The following DSE variants were observed in gnomAD, a reference collection of about 807,000 sequenced individuals.
The protein encoded by DSE is dermatan sulfate epimerase, also known as dermatan-sulfate epimerase.
Under a neutral mutation model 84.4 loss-of-function variants are expected in DSE, and 36 were observed. That is an observed-to-expected ratio of 0.43 (90% confidence interval 0.33 to 0.56). The LOEUF is 0.56. DSE is among the 20% of genes least tolerant of loss of function. DSE has a pLI of 0.06. For synonymous variants in DSE, 410 were observed against 430.1 expected (o/e 0.95, Z 0.58); for missense variants, 862 against 1,169.6 (o/e 0.74, Z 3.84).
At chr6:116,406,284 TGGG>T (rs1781925618) in intron 2 of DSE, among the ~76,000 whole-genome samples, 1 of 152,142 alleles carries the variant, frequency 6.6e-6, no homozygotes, top group South Asian at 2.1e-4. Context: ...CCTCTTTAAT[TGGG>T]GTATAAATCA....
chr6:116,313,503 G>C (rs1241157508), intron 2 of DSE, among the ~76,000 whole-genome samples: 1 of 152,184 alleles, frequency 6.6e-6, no homozygotes, highest in Non-Finnish European at 1.5e-5. Context: ...TAGTAATAAT[G>C]ATTGGTTACA....
At chr6:116,371,685 C>T (rs536970556) in intron 1 of DSE, among the ~76,000 whole-genome samples, 24 of 152,298 alleles carry the variant, frequency 1.6e-4, no homozygotes, top group African/African-American at 5.3e-4. Context: ...TTCCAGCGCT[C>T]CTGGGCTCCG....
chr6:116,406,152 G>A (rs1781915061), intron 2 of DSE, among the ~76,000 whole-genome samples: 2 of 152,166 alleles, frequency 1.3e-5, no homozygotes, highest in Admixed American at 1.3e-4. Context: ...TGCGATGGGT[G>A]ACTCACTTGC....
intron 2 of DSE, chr6:116,279,079 T>C (rs763534549): frequency 6.2e-7 from 1 of 1,613,482 alleles, no homozygotes; most frequent in Non-Finnish European, 8.5e-7. Context: ...CTCCAGCTGT[T>C]GGAAGGCCCT....
chr6:116,273,889 G>A (rs1455147034), intron 2 of DSE, among the ~76,000 whole-genome samples: 1 of 149,972 alleles, frequency 6.7e-6, no homozygotes, highest in Non-Finnish European at 1.5e-5. Flanking sequence ...GAGTGCCATG[G>A]CTCAATCTTG....
intron 2 of DSE, chr6:116,280,039 G>A: frequency 1.5e-6 from 1 of 683,120 alleles, no homozygotes; most frequent in South Asian, 1.7e-5. Flanking sequence ...GGATTCTCTG[G>A]GCTTTATTTC....
chr6:116,371,369 T>C (rs1035789530), intron 1 of DSE, among the ~76,000 whole-genome samples: 3 of 152,124 alleles, frequency 2.0e-5, no homozygotes, highest in Non-Finnish European at 2.9e-5. Flanking sequence ...AGGGGCAGCT[T>C]TTCGATCCTC....
At chr6:116,281,126 G>A (rs977898942) in intron 2 of DSE, among the ~76,000 whole-genome samples, 13 of 152,274 alleles carry the variant, frequency 8.5e-5, no homozygotes, top group Admixed American at 7.2e-4. Context: ...GAGAAGATAA[G>A]AGGACGAAAG....
chr6:116,416,623 A>C (rs904350225), intron 2 of DSE, among the ~76,000 whole-genome samples: 3 of 152,090 alleles, frequency 2.0e-5, no homozygotes, highest in African/African-American at 7.2e-5. Flanking sequence ...AGTTATTATA[A>C]CTGCTCAGTT....
chr6:116,333,931 C>G (rs974435604), intron 2 of DSE, among the ~76,000 whole-genome samples: 1 of 152,050 alleles, frequency 6.6e-6, no homozygotes, highest in African/African-American at 2.4e-5. Context: ...ATGAATGCAC[C>G]ACTCCACTCC....
chr6:116,375,338 A>G (rs1038314219), intron 1 of DSE, among the ~76,000 whole-genome samples: 1 of 152,174 alleles, frequency 6.6e-6, no homozygotes, highest in African/African-American at 2.4e-5. Context: ...CATTAATTGG[A>G]TAGTATGTTT....
At chr6:116,431,538 C>T (rs1230899832) in intron 4 of DSE, among the ~76,000 whole-genome samples, 2 of 152,000 alleles carry the variant, frequency 1.3e-5, no homozygotes, top group African/African-American at 4.8e-5. Flanking sequence ...TTGTGATTAC[C>T]TGTCAGTTTT....
intron 2 of DSE, among the ~76,000 whole-genome samples, chr6:116,287,762 A>G (rs1774014711): frequency 3.9e-5 from 6 of 152,048 alleles, no homozygotes; most frequent in Admixed American, 3.9e-4. Flanking sequence ...ATTTTTTGTA[A>G]TTACTAAAAT....
chr6:116,300,899 T>C (rs1336242189), intron 2 of DSE, among the ~76,000 whole-genome samples: 1 of 152,234 alleles, frequency 6.6e-6, no homozygotes, highest in Non-Finnish European at 1.5e-5. Context: ...AAGTCATTTA[T>C]ATATGATAAC....
intron 2 of DSE, among the ~76,000 whole-genome samples, chr6:116,275,243 C>G (rs966379151): frequency 2.0e-5 from 3 of 152,254 alleles, no homozygotes; most frequent in African/African-American, 7.2e-5. Context: ...GTATAATCAC[C>G]TTAAAATGTA....
chr6:116,305,652 T>G (rs766061301), intron 2 of DSE, among the ~76,000 whole-genome samples: 5 of 152,172 alleles, frequency 3.3e-5, no homozygotes, highest in African/African-American at 4.8e-5. Context: ...TTTTTGTTTT[T>G]TTGAGTTGGA....
At chr6:116,397,467 A>G (rs1781331547) in intron 1 of DSE, among the ~76,000 whole-genome samples, 1 of 152,070 alleles carries the variant, frequency 6.6e-6, no homozygotes, top group African/African-American at 2.4e-5. Flanking sequence ...TCCGCCTCCC[A>G]AAGTCCTGGG....
At chr6:116,418,271 CTTGTTAGTGT>C (rs1460959955) in intron 2 of DSE, among the ~76,000 whole-genome samples, 1 of 152,110 alleles carries the variant, frequency 6.6e-6, no homozygotes, top group Non-Finnish European at 1.5e-5. Context: ...GTATTGGAAA[CTTGTTAGTGT>C]TTACTCTTCA....
chr6:116,273,094 A>G (rs2114617637), intron 2 of DSE, among the ~76,000 whole-genome samples: 1 of 152,332 alleles, frequency 6.6e-6, no homozygotes, highest in East Asian at 1.9e-4. Flanking sequence ...CAAGATTCAG[A>G]GTAGTTTATT....
Sources: allele counts gnomAD v4.1 joint callset (sites outside exome capture counted in the v4.1 genomes callset), GRCh38; gene constraint gnomAD v4.1.1; transcripts MANE v1.5; gene names NCBI Gene and HGNC (gene_info 2026-07-23, HGNC 2026-07-21).